Variants in DPF3 observed in about 807,000 individuals in gnomAD.
The protein encoded by DPF3 is zinc finger protein DPF3.
A neutral mutation model predicts 56.8 loss-of-function variants in DPF3; 18 were observed. That is an observed-to-expected ratio of 0.32 (90% CI 0.22 to 0.47). DPF3 has a LOEUF of 0.47. Among genes scored for constraint, DPF3 ranks in the 20% least tolerant of loss-of-function variants. The pLI is 1.00. For synonymous variants in DPF3, 188 were observed against 180.2 expected (o/e 1.04, Z -0.35); for missense variants, 403 against 488.8 (o/e 0.82, Z 1.65).
intron 7 of DPF3, among the ~76,000 whole-genome samples, chr14:72,689,449 G>A (rs981302926): frequency 5.3e-5 from 8 of 152,096 alleles, no homozygotes; most frequent in African/African-American, 1.9e-4. Flanking sequence ...TTAGCCTCTT[G>A]GATTAAGCTC....
chr14:72,750,791 CA>C (rs35754238), intron 3 of DPF3, among the ~76,000 whole-genome samples: 4,462 of 65,810 alleles, frequency 0.068, 112 homozygotes, highest in African/African-American at 0.17. Flanking sequence ...GAAAGAATCT[CA>C]AAAAAAAAAA....
intron 2 of DPF3, among the ~76,000 whole-genome samples, chr14:72,754,809 A>C (rs527268073): frequency 6.6e-6 from 1 of 152,342 alleles, no homozygotes; most frequent in African/African-American, 2.4e-5. Flanking sequence ...AAACAAAGTC[A>C]ATTATCCCAG....
intron 3 of DPF3, among the ~76,000 whole-genome samples, chr14:72,752,353 G>A (rs1376861559): frequency 6.6e-6 from 1 of 152,186 alleles, no homozygotes; most frequent in African/African-American, 2.4e-5. Flanking sequence ...CAGCCAAATA[G>A]TCAGAAGTGT....
At chr14:72,680,596 G>A (rs534240558) in intron 7 of DPF3, among the ~76,000 whole-genome samples, 17 of 152,384 alleles carry the variant, frequency 1.1e-4, no homozygotes, top group Admixed American at 4.6e-4. Context: ...ACGCTGGAGC[G>A]GATGCGGAAG....
chr14:72,723,940 A>G, intron 4 of DPF3: 1 of 492,914 alleles, frequency 2.0e-6, no homozygotes, highest in East Asian at 3.8e-5. Context: ...GGCCCCTTCC[A>G]GACAAGTCCT....
chr14:72,670,719 A>T (rs2153570318), intron 8 of DPF3: 2 of 1,015,652 alleles, frequency 2.0e-6, no homozygotes, highest in Middle Eastern at 5.0e-4. Context: ...TTTTAATGTT[A>T]TTGGTTCTTT....
chr14:72,632,519 GA>G (rs552822183), intron 8 of DPF3, among the ~76,000 whole-genome samples: 139 of 150,054 alleles, frequency 9.3e-4, no homozygotes, highest in African/African-American at 3.3e-3. Flanking sequence ...TTTAAATAAG[GA>G]AAACAAATAA....
At chr14:72,729,690 G>T (rs1001801757) in intron 4 of DPF3, among the ~76,000 whole-genome samples, 4 of 152,190 alleles carry the variant, frequency 2.6e-5, no homozygotes, top group African/African-American at 9.6e-5. Flanking sequence ...GCAACATACT[G>T]TGAGTCCAAG....
At chr14:72,753,237 C>G (rs1341638185) in intron 3 of DPF3, 27 bp downstream of exon 3, 1 of 1,607,624 alleles carries the variant, frequency 6.2e-7, no homozygotes, top group Admixed American at 1.7e-5. Context: ...CCATCACAGA[C>G]CCAGCCAAGC....
chr14:72,884,413 C>A (rs1443883448), intron 1 of DPF3, among the ~76,000 whole-genome samples: 1 of 152,102 alleles, frequency 6.6e-6, no homozygotes, highest in Non-Finnish European at 1.5e-5. Context: ...TTATTGACTG[C>A]CTGAGGAGGC....
intron 6 of DPF3, among the ~76,000 whole-genome samples, chr14:72,701,371 G>A (rs1567204942): frequency 6.6e-6 from 1 of 152,312 alleles, no homozygotes; most frequent in East Asian, 1.9e-4. Flanking sequence ...CTTCCCCCTG[G>A]GGCGGATCCA....
At chr14:72,722,640 G>A (rs1429065460) in intron 5 of DPF3, among the ~76,000 whole-genome samples, 3 of 152,274 alleles carry the variant, frequency 2.0e-5, no homozygotes, top group East Asian at 3.9e-4. Context: ...TAAGAGTCCC[G>A]CCTAGAGCCT....
At chr14:72,880,742 C>T (rs1886294309) in intron 1 of DPF3, among the ~76,000 whole-genome samples, 1 of 152,096 alleles carries the variant, frequency 6.6e-6, no homozygotes, top group African/African-American at 2.4e-5. Flanking sequence ...TGGGATTTTG[C>T]CCTGTTGCCC....
At position 72,674,267 on chromosome 14, in the gene DPF3, C is replaced by T. The variant is rs1252918546; in HGVS notation, c.844G>A (p.Val282Met). The change falls in exon 8 of 11, where the codon GTG becomes ATG. Residue 282 changes from valine to methionine, a missense_variant. By Grantham distance (21) the Val-to-Met change is conservative (BLOSUM62 1). Around this residue, in one of 2 missense-constraint regions of DPF3, gnomAD observed 340 missense variants for 374.3 expected, o/e 0.91. Transcript: ENST00000556509. Reference protein sequence around the residue: ...NKKSGRPEELVSCADCGRSGH... With the variant: ...NKKSGRPEELMSCADCGRSGH... ...GAGCGTCCACAGTCTGCGCAGGACA[C>T]CAGCTCTTCAGGCCGCCCACTCTTC... The T allele has an allele frequency of 1.9e-6, 3 of 1,612,784 alleles. No individual in the cohort carries two copies. Among genetic ancestry groups the T allele is most frequent in the East Asian group, 4.5e-5 (2 of 44,840 alleles).
At chr14:72,857,037 C>A (rs1885195688) in intron 1 of DPF3, among the ~76,000 whole-genome samples, 1 of 152,166 alleles carries the variant, frequency 6.6e-6, no homozygotes, top group African/African-American at 2.4e-5. Flanking sequence ...AGACCAAGGG[C>A]CTGGAGGAGG....
At chr14:72,731,059 G>A (rs148196250) in intron 4 of DPF3, among the ~76,000 whole-genome samples, 4,895 of 152,178 alleles carry the variant, frequency 0.032, 179 homozygotes, top group Admixed American at 0.087. Context: ...CCAGCTACTC[G>A]GTAGGCTGAG....
At chr14:72,798,160 A>G (rs933513167) in intron 1 of DPF3, among the ~76,000 whole-genome samples, 2 of 146,478 alleles carry the variant, frequency 1.4e-5, no homozygotes, top group Admixed American at 1.4e-4. Flanking sequence ...AGGCTGAGGC[A>G]GGAGAATTGA....
chr14:72,650,839 G>A (rs1199934857), intron 8 of DPF3, among the ~76,000 whole-genome samples: 5 of 152,024 alleles, frequency 3.3e-5, no homozygotes, highest in African/African-American at 4.8e-5. Flanking sequence ...TATACAAAAC[G>A]CCATCTCTCC....
chr14:72,816,288 A>T (rs1445653862), intron 1 of DPF3, among the ~76,000 whole-genome samples: 1 of 152,248 alleles, frequency 6.6e-6, no homozygotes, highest in Non-Finnish European at 1.5e-5. Flanking sequence ...CAGCAGGATA[A>T]CATCATAACC....
Sources: allele counts gnomAD v4.1 joint callset (sites outside exome capture counted in the v4.1 genomes callset), GRCh38; gene constraint gnomAD v4.1.1; regional missense constraint gnomAD v4.1.1; transcripts MANE v1.5; gene names NCBI Gene and HGNC (gene_info 2026-07-23, HGNC 2026-07-21).